The following TTC21A variants were observed in gnomAD, a reference collection of about 807,000 sequenced individuals.
TTC21A encodes tetratricopeptide repeat protein 21A.
In TTC21A, 128 loss-of-function variants were observed where a neutral mutation model predicts 156.4. That is an observed-to-expected ratio of 0.82 (90% CI 0.71 to 0.95). TTC21A has a LOEUF of 0.95. Ranked by LOEUF, TTC21A falls within the 40% of genes least tolerant of loss-of-function variation. The probability of loss-of-function intolerance (pLI) is 0.00; values close to 1 mark genes in which losing one functional copy is unlikely to be tolerated. For synonymous variants in TTC21A, 587 were observed against 617.1 expected (o/e 0.95, Z 0.72); for missense variants, 1,435 against 1,602.3 (o/e 0.90, Z 1.78).
At chr3:39,116,344 C>G (rs1350205604) in intron 6 of TTC21A, among the ~76,000 whole-genome samples, 1 of 151,956 alleles carries the variant, frequency 6.6e-6, no homozygotes, top group African/African-American at 2.4e-5. Context: ...AAAAGTTTGC[C>G]TCTCTTATTA....
chr3:39,125,216 C>T (rs1559693237), intron 10 of TTC21A, 56 bp downstream of exon 10: 1 of 1,537,404 alleles, frequency 6.5e-7, no homozygotes, highest in Non-Finnish European at 9.0e-7. Flanking sequence ...TGCTGTCCTC[C>T]CACCCCCACT....
intron 26 of TTC21A, among the ~76,000 whole-genome samples, chr3:39,137,983 A>G (rs2039262910): frequency 6.6e-6 from 1 of 152,152 alleles, no homozygotes; most frequent in African/African-American, 2.4e-5. Context: ...ATGGGTTCCA[A>G]GCTGGAGGGA....
intron 5 of TTC21A, 64 bp from the exon 6 acceptor site, chr3:39,114,521 C>G: frequency 6.5e-7 from 1 of 1,532,298 alleles, no homozygotes; most frequent in Non-Finnish European, 9.0e-7. Flanking sequence ...AGACAACCCC[C>G]CTCCAGCAAA....
At chr3:39,117,504 G>A (rs1319942103) in intron 6 of TTC21A, among the ~76,000 whole-genome samples, 1 of 152,188 alleles carries the variant, frequency 6.6e-6, no homozygotes, top group African/African-American at 2.4e-5. Flanking sequence ...ATCTTACAGT[G>A]ACTGCCCCCC....
chr3:39,113,191 T>C (rs941894116), intron 5 of TTC21A, among the ~76,000 whole-genome samples: 1 of 152,178 alleles, frequency 6.6e-6, no homozygotes, highest in Non-Finnish European at 1.5e-5. Flanking sequence ...AATGGCAGGC[T>C]TAGTCTTACC....
intron 22 of TTC21A, among the ~76,000 whole-genome samples, chr3:39,135,609 A>G (rs2039053381): frequency 6.6e-6 from 1 of 152,220 alleles, no homozygotes; most frequent in Admixed American, 6.5e-5. Flanking sequence ...CAGTGTGCCC[A>G]TAGGCCCAGG....
rs137926147 is a variant in TTC21A at position 39,124,194 on chromosome 3, C to T, written c.1094-869C>T. 5.3e-5 allele frequency among the ~76,000 whole-genome samples: 8 copies of T among 152,022 alleles called. No individual in the cohort carries two copies. In the East Asian group the frequency reaches 1.5e-3, roughly 29 times the overall value. ...ATCATAGCATTGTAGTATTTAAATA[C>T]CAAAAATAAAGTAAATGTGAAATTA... is the stretch of plus-strand genomic sequence containing the variant. On this transcript the variant is annotated intron_variant, in intron 9 of 28. Coordinates refer to ENST00000683103, the MANE Select transcript of TTC21A (RefSeq NM_001366900.1).
intron 8 of TTC21A, 135 bp downstream of exon 8, chr3:39,120,155 C>T: frequency 1.6e-6 from 1 of 634,140 alleles, no homozygotes; most frequent in African/African-American, 1.9e-5. Context: ...AGGGTAGTGG[C>T]TCATATCCTG....
At chr3:39,129,667 T>C (rs1201551888) in intron 15 of TTC21A, among the ~76,000 whole-genome samples, 1 of 152,218 alleles carries the variant, frequency 6.6e-6, no homozygotes, top group Admixed American at 6.5e-5. Flanking sequence ...CCTCATCCCT[T>C]TCTTCTGGCA....
chr3:39,110,100 A>G lies in TTC21A; in HGVS notation c.229A>G (p.Met77Val), dbSNP rs2036678300. The G allele has an allele frequency of 6.2e-7, 1 of 1,614,022 alleles. No individual in the cohort carries two copies. Among genetic ancestry groups the G allele is most frequent in the South Asian group, 1.1e-5 (1 of 91,092 alleles). Residue 77 changes from methionine (M) to valine (V), a missense_variant, in exon 3 of 29, where the codon ATG becomes GTG. Met to Val is a conservative substitution (Grantham distance 21). Coordinates refer to ENST00000683103, the MANE Select transcript of TTC21A (RefSeq NM_001366900.1). ...HHPDVSLCSTMALIYAHKRCE... is the reference protein window; with the variant it reads ...HHPDVSLCSTVALIYAHKRCE... ...CCCAGACGTGTCCCTGTGCTCCACC[A>G]TGGCCCTCATTTATGCTCACAAAAG...
Position 39,130,882 on chromosome 3 carries a change from A to G in TTC21A, c.2458+43A>G, listed in dbSNP as rs778528379. On this transcript the variant is annotated intron_variant, in intron 18 of 28. Transcript: ENST00000683103. The surrounding 1 kb of genome is among the most constrained non-coding windows in gnomAD (Gnocchi z 4.5). ...CCCATTTCTAGCATTTGGAGCAGAC[A>G]TACTCCTCCCCCATTCCCCATTAGC... The G allele has an allele frequency of 1.4e-5, 22 of 1,612,224 alleles. No individual in the cohort carries two copies. Among genetic ancestry groups the G allele is most frequent in the Non-Finnish European group, 1.6e-5 (19 of 1,178,628 alleles).
At chr3:39,133,862 C>T (rs977955909) in intron 20 of TTC21A, among the ~76,000 whole-genome samples, 9 of 152,152 alleles carry the variant, frequency 5.9e-5, no homozygotes, top group Admixed American at 1.3e-4. Context: ...GCACAGGCAG[C>T]GCTAATGCCA....
intron 26 of TTC21A, 49 bp downstream of exon 26, chr3:39,137,759 T>C: frequency 1.9e-6 from 3 of 1,550,552 alleles, no homozygotes; most frequent in Non-Finnish European, 2.6e-6. Context: ...GAAAGGATTC[T>C]AGGCATTCCA....
intron 6 of TTC21A, among the ~76,000 whole-genome samples, chr3:39,116,752 G>C (rs2037323929): frequency 6.6e-6 from 1 of 152,184 alleles, no homozygotes; most frequent in African/African-American, 2.4e-5. Flanking sequence ...TTATGGGTAT[G>C]AGCCACCATA....
chr3:39,133,222 C>T lies in TTC21A; in HGVS notation c.2733C>T (p.Tyr911=), dbSNP rs1293369452. 6.2e-7 allele frequency: 1 copy of T among 1,613,628 alleles called. No homozygotes were observed. The highest frequency in any genetic ancestry group is 1.3e-5 in the African/African-American group (1 of 74,928). The change falls in exon 20 of 29, where the codon TAC becomes TAT. Residue 911 remains tyrosine, a synonymous_variant. Transcript: ENST00000683103. Reference sequence around the variant, plus strand: ...AGTCTTATAAGGATGTCTTCTCCTACTTGCCAACTGACAATAAGGTGAGTG... The same window carrying T: ...AGTCTTATAAGGATGTCTTCTCCTATTTGCCAACTGACAATAAGGTGAGTG... The part of the protein sequence containing the change: ...AVQSYKDVFS[Y]LPTDNKVMLE...
Position 39,130,463 on chromosome 3 carries a change from C to G in TTC21A, c.2319+105C>G. 9.8e-7 allele frequency: 1 copy of G among 1,020,238 alleles called. No homozygotes were observed. The highest frequency in any genetic ancestry group is 1.4e-6 in the Non-Finnish European group (1 of 699,794). 63.2% of individuals were successfully genotyped at this position (1,020,238 alleles called of 1,614,324 possible). On this transcript the variant is annotated intron_variant, in intron 17 of 28. Coordinates refer to ENST00000683103, the MANE Select transcript of TTC21A (RefSeq NM_001366900.1). This position sits in a 1 kb window ranked among gnomAD's most constrained non-coding sequence, Gnocchi z 4.5. The stretch of plus-strand genomic sequence containing the variant: ...CTCTGGGTGGGAGGAGAGTGGCTGA[C>G]TTTTCACTCAGCTCCTTGCTGAATG...
At chr3:39,126,132 A>T in intron 11 of TTC21A, 129 bp from the exon 12 acceptor site, 2 of 1,172,870 alleles carry the variant, frequency 1.7e-6, no homozygotes, top group Non-Finnish European at 2.5e-6. Context: ...GCACTAGGTG[A>T]TACAGAGGAT....
chr3:39,123,541 T>A (rs1025756559), intron 9 of TTC21A, among the ~76,000 whole-genome samples: 1 of 152,182 alleles, frequency 6.6e-6, no homozygotes, highest in Non-Finnish European at 1.5e-5. Context: ...AGGTAAGTTC[T>A]CATCTTACAC....
intron 9 of TTC21A, among the ~76,000 whole-genome samples, chr3:39,123,021 G>A (rs1038774597): frequency 2.0e-5 from 3 of 152,154 alleles, no homozygotes; most frequent in Admixed American, 1.3e-4. Context: ...AAGGTTGGCC[G>A]AGTGGAACAT....
Sources: gnomAD v4.1 joint callset for allele counts (sites outside exome capture counted in the v4.1 genomes callset) on GRCh38, gnomAD v4.1.1 for gene constraint, Gnocchi (gnomAD v3.1) non-coding constraint, MANE v1.5 for transcripts, NCBI Gene and HGNC (gene_info 2026-07-23, HGNC 2026-07-21) for gene names.